The following ATP8B4 variants were observed in gnomAD, a reference collection of about 807,000 sequenced individuals.
ATP8B4 encodes the protein ATPase phospholipid transporting 8B4 (putative), also known as probable phospholipid-transporting ATPase IM.
A neutral mutation model predicts 145.6 loss-of-function variants in ATP8B4; 133 were observed. The observed-to-expected ratio is 0.91, with a 90% CI of 0.79 to 1.05. The LOEUF (loss-of-function observed/expected upper bound fraction) is 1.05, where lower values mean the gene tolerates loss of function less well. Ranked by LOEUF, ATP8B4 falls within the 50% of genes least tolerant of loss-of-function variation. ATP8B4 has a pLI of 0.00. For missense variants in ATP8B4, 1,458 were observed against 1,425.2 expected, an observed-to-expected ratio of 1.02 and a Z score of -0.37; for synonymous variants, 507 against 492.9, an observed-to-expected ratio of 1.03 and a Z score of -0.38.
intron 1 of ATP8B4, among the ~76,000 whole-genome samples, chr15:50,160,574 T>A (rs150749018): frequency 0.014 from 2,077 of 152,118 alleles, 50 homozygotes; most frequent in African/African-American, 0.048. Context: ...TGGTATGTTG[T>A]GTTTCCATTA....
At chr15:50,062,444 G>T (rs1263266139) in intron 3 of ATP8B4, among the ~76,000 whole-genome samples, 1 of 152,032 alleles carries the variant, frequency 6.6e-6, no homozygotes, top group Non-Finnish European at 1.5e-5. Context: ...CAGCCTTGTA[G>T]AACTGAGCCA....
intron 9 of ATP8B4, among the ~76,000 whole-genome samples, chr15:49,990,052 T>C (rs551194043): frequency 6.6e-6 from 1 of 152,240 alleles, no homozygotes; most frequent in South Asian, 2.1e-4. Context: ...ATTTCCATGA[T>C]AGTAATAAAG....
chr15:50,124,494 G>A (rs1029364977), intron 1 of ATP8B4, among the ~76,000 whole-genome samples: 2 of 152,090 alleles, frequency 1.3e-5, no homozygotes, highest in African/African-American at 4.8e-5. Flanking sequence ...CACAGATAGA[G>A]ACCCGGATTT....
chr15:50,131,092 T>A (rs1452779616), intron 1 of ATP8B4, among the ~76,000 whole-genome samples: 1 of 151,924 alleles, frequency 6.6e-6, no homozygotes, highest in African/African-American at 2.4e-5. Context: ...TCAGATCTCA[T>A]GAGAATTCAC....
At position 49,898,141 on chromosome 15, in the gene ATP8B4, C is replaced by A. The variant is rs531826217; in HGVS notation, c.2400G>T (p.Glu800Asp). ...VTPLQKAQVV[E>D]LVKKYRNAVT... ...CAGCATTTCTGTACTTCTTCACCAG[C>A]TCTACCACTTGGGCTTTCTGGAGTG... The change falls in exon 22 of 28, where the codon GAG becomes GAT. Residue 800 changes from glutamate to aspartate, a missense_variant. Physicochemically the swap from Glu to Asp is conservative, Grantham distance 45 (BLOSUM62 2). Transcript: ENST00000284509. 1 of 1,613,968 alleles carries A rather than the reference C, an allele frequency of 6.2e-7. No individual in the cohort carries two copies. Among genetic ancestry groups the A allele is most frequent in the Non-Finnish European group, 8.5e-7 (1 of 1,179,898 alleles).
chr15:49,897,889 CAAAGAA>C (rs1452279383), intron 22 of ATP8B4, among the ~76,000 whole-genome samples, 173 bp downstream of exon 22: 1 of 152,074 alleles, frequency 6.6e-6, no homozygotes, highest in Non-Finnish European at 1.5e-5. Context: ...TATTTAAAGA[CAAAGAA>C]ATTTTGTTAC....
In ATP8B4 at chr15:50,044,583, C is replaced by A. The variant is rs2051575661; in HGVS notation, c.300+11G>T. The A allele has an allele frequency of 5.7e-6, 9 of 1,581,392 alleles. No homozygotes were observed. In the Admixed American group the frequency reaches 1.0e-4, roughly 18 times the overall value. ...TTGAGACCTCAAGAATGCTCAAGAG[C>A]AAATACTCACATAGTCATCTGTGGC... On this transcript the variant is annotated intron_variant, in intron 5 of 27. Coordinates refer to ENST00000284509, the MANE Select transcript of ATP8B4 (RefSeq NM_024837.4).
chr15:49,914,540 G>A (rs1417932223), intron 20 of ATP8B4, among the ~76,000 whole-genome samples: 1 of 152,064 alleles, frequency 6.6e-6, no homozygotes, highest in Non-Finnish European at 1.5e-5. Flanking sequence ...TGAAGAGACA[G>A]TCTGTTGAAA....
intron 14 of ATP8B4, among the ~76,000 whole-genome samples, chr15:49,937,338 C>G (rs1232682308): frequency 6.6e-6 from 1 of 152,074 alleles, no homozygotes; most frequent in Admixed American, 6.6e-5. Context: ...GCACAAAAAC[C>G]CTCATTAGCT....
intron 1 of ATP8B4, among the ~76,000 whole-genome samples, chr15:50,118,115 ATAAT>A (rs1435354957): frequency 6.6e-6 from 1 of 152,168 alleles, no homozygotes; most frequent in Non-Finnish European, 1.5e-5. Flanking sequence ...ATAGATAATG[ATAAT>A]TTATTTTTTA....
chr15:50,145,776 T>C (rs1047699345), intron 1 of ATP8B4, among the ~76,000 whole-genome samples: 3 of 152,110 alleles, frequency 2.0e-5, no homozygotes, highest in Admixed American at 2.0e-4. Context: ...TTTTTGAAAA[T>C]TGGTGCTTTG....
At chr15:49,961,354 G>A (rs1041261774) in intron 14 of ATP8B4, among the ~76,000 whole-genome samples, 1 of 152,058 alleles carries the variant, frequency 6.6e-6, no homozygotes, top group Non-Finnish European at 1.5e-5. Context: ...TTGTGTCAGG[G>A]TAAATTGTTA....
chr15:50,010,925 CA>C lies in ATP8B4; in HGVS notation c.363-9del. 6.6e-7 allele frequency: 1 copy of C among 1,518,808 alleles called. No homozygotes were observed. Among genetic ancestry groups the C allele is most frequent in the Non-Finnish European group, 8.9e-7 (1 of 1,128,002 alleles). 94.1% of individuals were successfully genotyped at this position (1,518,808 alleles called of 1,614,324 possible). A position where few individuals can be genotyped will look rare whatever the true frequency, so the allele number is the denominator to read the frequency against. On this transcript the variant is annotated splice_polypyrimidine_tract_variant and intron_variant, in intron 6 of 27. Coordinates refer to ENST00000284509, the MANE Select transcript of ATP8B4 (RefSeq NM_024837.4). The stretch of plus-strand genomic sequence containing the variant: ...CATTTTTCATTCTGCAGTCTAAAAA[CA>C]AAAATAAAATTAATTTTCTTCAAGA...
At chr15:50,171,245 A>C (rs1041820174) in intron 1 of ATP8B4, among the ~76,000 whole-genome samples, 1 of 152,216 alleles carries the variant, frequency 6.6e-6, no homozygotes, top group African/African-American at 2.4e-5. Context: ...CAACAACCAC[A>C]GAATATACAC....
At chr15:50,038,937 TG>T in intron 5 of ATP8B4, 108 bp from the exon 6 acceptor site, 1 of 912,494 alleles carries the variant, frequency 1.1e-6, no homozygotes, top group Non-Finnish European at 1.7e-6. Flanking sequence ...GTGTTGTCAC[TG>T]GTCTAAGATG....
At chr15:50,016,826 GAT>G (rs761881112) in intron 6 of ATP8B4, among the ~76,000 whole-genome samples, 9 of 152,190 alleles carry the variant, frequency 5.9e-5, no homozygotes, top group Non-Finnish European at 1.2e-4. Flanking sequence ...CCTAAGGGGG[GAT>G]GTGGGTGGCA....
At chr15:50,060,535 C>T (rs766102978) in intron 3 of ATP8B4, among the ~76,000 whole-genome samples, 13 of 152,096 alleles carry the variant, frequency 8.5e-5, no homozygotes, top group South Asian at 2.1e-4. Context: ...TGTAAATTTG[C>T]ATGGGAATAC....
At chr15:50,083,852 G>C (rs950577002) in intron 2 of ATP8B4, among the ~76,000 whole-genome samples, 4 of 152,210 alleles carry the variant, frequency 2.6e-5, no homozygotes, top group African/African-American at 9.7e-5. Flanking sequence ...GGCTAATAGA[G>C]CTGCTCATCT....
chr15:49,966,208 C>T (rs377403355), intron 13 of ATP8B4, among the ~76,000 whole-genome samples: 1 of 152,334 alleles, frequency 6.6e-6, no homozygotes, highest in East Asian at 1.9e-4. Flanking sequence ...TGGGCAGGCC[C>T]CAAGCTAGCT....
Sources: gnomAD v4.1 joint callset for allele counts (sites outside exome capture counted in the v4.1 genomes callset) on GRCh38, gnomAD v4.1.1 for gene constraint, MANE v1.5 for transcripts, NCBI Gene and HGNC (gene_info 2026-07-23, HGNC 2026-07-21) for gene names.